The following SPACA7 variants were observed in gnomAD, a reference collection of about 807,000 sequenced individuals.
SPACA7 encodes the protein sperm acrosome-associated protein 7.
A neutral mutation model predicts 26.3 loss-of-function variants in SPACA7; 19 were observed. The observed-to-expected ratio is 0.72, with a 90% confidence interval of 0.50 to 1.06. The LOEUF (loss-of-function observed/expected upper bound fraction) is 1.06, where lower values mean the gene tolerates loss of function less well. SPACA7 is among the 50% of genes least tolerant of loss of function. The pLI is 0.00. For missense variants in SPACA7, 211 were observed against 229.9 expected (o/e 0.92, Z 0.53); for synonymous variants, 84 against 84.5 (o/e 0.99, Z 0.04).
intron 3 of SPACA7, among the ~76,000 whole-genome samples, chr13:112,398,665 T>A (rs539552675): frequency 3.6e-4 from 55 of 152,258 alleles, no homozygotes; most frequent in Non-Finnish European, 6.9e-4. Context: ...CAAAGACATA[T>A]GCAAGGAAAT....
At chr13:112,407,156 T>C (rs1402768669) in intron 5 of SPACA7, among the ~76,000 whole-genome samples, 2 of 152,166 alleles carry the variant, frequency 1.3e-5, no homozygotes, top group African/African-American at 4.8e-5. Flanking sequence ...ATAAAGATAT[T>C]CTTTGAAACC....
At chr13:112,378,540 G>T in intron 1 of SPACA7, 1 of 361,492 alleles carries the variant, frequency 2.8e-6, no homozygotes, top group South Asian at 2.3e-5. Context: ...TCTCAGATTA[G>T]ATTTTTTAAA....
intron 5 of SPACA7, among the ~76,000 whole-genome samples, chr13:112,414,391 T>TTTTTTTTTTTTTC (rs1886551282): frequency 6.0e-5 from 1 of 16,754 alleles, no homozygotes; most frequent in Non-Finnish European, 1.1e-4. Context: ...TCTGTGTCTT[T>TTTTTTTTTTTTTC]TTTTTTTTTT....
rs145577257 is a variant in SPACA7, at chr13:112,393,706, G to A, written c.151+629G>A. ...TAGAAACACAGCATGAGCCGAAGAT[G>A]TGCTTTTCATTGTCTAGTGGCCACA... On this transcript the variant is annotated intron_variant, in intron 2 of 6. Transcript: ENST00000283550. Among the ~76,000 whole-genome samples, 942 of 152,362 alleles carry A rather than the reference G, an allele frequency of 6.2e-3. 2 individuals carry two copies. The highest frequency in any genetic ancestry group is 0.047 in the East Asian group (246 of 5,184).
At chr13:112,400,601 C>T (rs1374463011) in intron 4 of SPACA7, among the ~76,000 whole-genome samples, 1 of 152,212 alleles carries the variant, frequency 6.6e-6, no homozygotes. Flanking sequence ...GCATTTCTTC[C>T]AGGCCCTCTC....
At chr13:112,392,200 G>C (rs538774261) in intron 1 of SPACA7, among the ~76,000 whole-genome samples, 12 of 152,268 alleles carry the variant, frequency 7.9e-5, no homozygotes, top group African/African-American at 2.4e-4. Flanking sequence ...AAGAAAAACT[G>C]TGAATGGCAG....
chr13:112,383,155 AAGAAAGAAAG>A, intron 1 of SPACA7, among the ~76,000 whole-genome samples: 2 of 137,702 alleles, frequency 1.5e-5, no homozygotes, highest in South Asian at 2.3e-4. Flanking sequence ...GAAAGAAAGA[AAGAAAGAAAG>A]AAAGAAAGAA....
At chr13:112,390,218 T>C (rs1302742216) in intron 1 of SPACA7, among the ~76,000 whole-genome samples, 2 of 152,002 alleles carry the variant, frequency 1.3e-5, no homozygotes, top group South Asian at 2.1e-4. Flanking sequence ...AGAAGAGAAC[T>C]CGAGTGCAGA....
chr13:112,426,750 A>C (rs115701198), intron 5 of SPACA7, among the ~76,000 whole-genome samples: 187 of 152,292 alleles, frequency 1.2e-3, no homozygotes, highest in African/African-American at 4.3e-3. Context: ...ATAACCCATA[A>C]CCTTACTAAA....
chr13:112,397,590 A>G (rs970037792), intron 2 of SPACA7, among the ~76,000 whole-genome samples: 3 of 152,254 alleles, frequency 2.0e-5, no homozygotes, highest in Non-Finnish European at 4.4e-5. Context: ...ACAAAGCTCA[A>G]GGCTCTCATG....
chr13:112,394,847 A>C (rs1360488990), intron 2 of SPACA7, among the ~76,000 whole-genome samples: 1 of 152,192 alleles, frequency 6.6e-6, no homozygotes, highest in East Asian at 1.9e-4. Context: ...CTGGAAGAGG[A>C]AAGAGTGGCT....
At chr13:112,429,407 C>G (rs1038272230) in intron 5 of SPACA7, among the ~76,000 whole-genome samples, 3 of 151,662 alleles carry the variant, frequency 2.0e-5, no homozygotes, top group Non-Finnish European at 2.9e-5. Context: ...AGAAATGACT[C>G]TTTTATTCCT....
intron 6 of SPACA7, 69 bp downstream of exon 6, chr13:112,432,590 G>C (rs1166687942): frequency 1.6e-6 from 2 of 1,226,510 alleles, no homozygotes; most frequent in Non-Finnish European, 2.4e-6. Context: ...GGACAGGTGT[G>C]TCTCCGAGCA....
At chr13:112,380,611 T>C (rs1233917912) in intron 1 of SPACA7, among the ~76,000 whole-genome samples, 1 of 152,320 alleles carries the variant, frequency 6.6e-6, no homozygotes, top group East Asian at 1.9e-4. Context: ...AGAGACTCGT[T>C]ACATCTTTCC....
intron 5 of SPACA7, among the ~76,000 whole-genome samples, chr13:112,402,169 A>C (rs1022255656): frequency 2.6e-5 from 4 of 152,228 alleles, no homozygotes; most frequent in African/African-American, 9.6e-5. Context: ...GATCTATCTA[A>C]GAATAAGTAA....
intron 1 of SPACA7, among the ~76,000 whole-genome samples, chr13:112,385,390 T>C (rs1004046315): frequency 2.0e-5 from 3 of 152,240 alleles, no homozygotes; most frequent in Non-Finnish European, 2.9e-5. Flanking sequence ...TTTTATGTTA[T>C]AATGTTAATT....
intron 5 of SPACA7, among the ~76,000 whole-genome samples, chr13:112,420,584 C>A (rs924010033): frequency 2.6e-5 from 4 of 152,050 alleles, no homozygotes; most frequent in East Asian, 1.9e-4. Flanking sequence ...TGGGTAAATA[C>A]CTCATTTCCT....
intron 5 of SPACA7, among the ~76,000 whole-genome samples, chr13:112,417,676 T>C (rs189334470): frequency 1.8e-3 from 280 of 152,286 alleles, no homozygotes; most frequent in Non-Finnish European, 3.3e-3. Context: ...TCTGTAGCCC[T>C]TTCTCTGATC....
At chr13:112,421,833 A>G (rs1211415679) in intron 5 of SPACA7, among the ~76,000 whole-genome samples, 1 of 152,212 alleles carries the variant, frequency 6.6e-6, no homozygotes. Context: ...GCTGGAGGCT[A>G]TAATTTTTAG....
Sources: gnomAD v4.1 joint callset for allele counts (sites outside exome capture counted in the v4.1 genomes callset) on GRCh38, gnomAD v4.1.1 for gene constraint, MANE v1.5 for transcripts, NCBI Gene and HGNC (gene_info 2026-07-23, HGNC 2026-07-21) for gene names.